The following ADAM10 variants were observed in gnomAD, a reference collection of about 807,000 sequenced individuals.
ADAM10 encodes ADAM metallopeptidase domain 10.
Under a neutral mutation model 90.1 loss-of-function variants are expected in ADAM10, and 17 were observed. The observed-to-expected ratio is 0.19, with a 90% CI of 0.13 to 0.28. ADAM10 has a LOEUF of 0.28. ADAM10 is among the 10% of genes least tolerant of loss of function. The probability of loss-of-function intolerance (pLI) is 1.00; values close to 1 mark genes in which losing one functional copy is unlikely to be tolerated. For missense variants in ADAM10, 610 were observed against 914.3 expected, an observed-to-expected ratio of 0.67 and a Z score of 4.29; for synonymous variants, 310 against 298.6, an observed-to-expected ratio of 1.04 and a Z score of -0.40.
At chr15:58,749,130 G>A (rs1170204909) in intron 1 of ADAM10, 9 of 398,264 alleles carry the variant, frequency 2.3e-5, no homozygotes, top group Non-Finnish European at 4.0e-5. Flanking sequence ...CCGCCGAGCA[G>A]ACTGGAGGGA....
intron 11 of ADAM10, among the ~76,000 whole-genome samples, chr15:58,614,970 A>G (rs1895560926): frequency 6.6e-6 from 1 of 152,146 alleles, no homozygotes; most frequent in Non-Finnish European, 1.5e-5. Flanking sequence ...ATATGCAAAA[A>G]CAAAACAAAA....
At chr15:58,714,292 TACAC>T (rs71116591) in intron 2 of ADAM10, among the ~76,000 whole-genome samples, 10,880 of 142,946 alleles carry the variant, frequency 0.076, 401 homozygotes, top group East Asian at 0.1. Flanking sequence ...TACATACACA[TACAC>T]ACACACACAC....
At chr15:58,602,141 T>C (rs1052637391) in intron 14 of ADAM10, among the ~76,000 whole-genome samples, 1 of 152,238 alleles carries the variant, frequency 6.6e-6, no homozygotes, top group Admixed American at 6.5e-5. Context: ...CATGGTTTCC[T>C]ATTTTTTATA....
chr15:58,706,251 C>T (rs1418449514), intron 2 of ADAM10, among the ~76,000 whole-genome samples: 2 of 152,114 alleles, frequency 1.3e-5, no homozygotes, highest in Non-Finnish European at 2.9e-5. Flanking sequence ...ATCCTTGCTT[C>T]GAGGTACTAT....
intron 5 of ADAM10, among the ~76,000 whole-genome samples, chr15:58,658,920 C>A (rs1208303217): frequency 1.3e-5 from 2 of 152,048 alleles, no homozygotes; most frequent in Non-Finnish European, 2.9e-5. Flanking sequence ...GTATGCCTTT[C>A]ATTTATTTTT....
chr15:58,685,946 A>C (rs1031953703), intron 2 of ADAM10, among the ~76,000 whole-genome samples: 1 of 152,204 alleles, frequency 6.6e-6, no homozygotes, highest in Admixed American at 6.5e-5. Flanking sequence ...ATGGTGGAGA[A>C]ACCATTACTG....
At chr15:58,639,049 A>T (rs926740733) in intron 8 of ADAM10, among the ~76,000 whole-genome samples, 4 of 152,006 alleles carry the variant, frequency 2.6e-5, no homozygotes, top group Admixed American at 6.6e-5. Flanking sequence ...CTTAAGTACA[A>T]TAGTCTGTAA....
chr15:58,627,239 GA>G (rs1895974360), intron 10 of ADAM10, among the ~76,000 whole-genome samples: 1 of 152,154 alleles, frequency 6.6e-6, no homozygotes, highest in Non-Finnish European at 1.5e-5. Flanking sequence ...AAATAAATCA[GA>G]TAGTGGTTGC....
intron 11 of ADAM10, among the ~76,000 whole-genome samples, chr15:58,618,973 T>C (rs1895700256): frequency 6.6e-6 from 1 of 152,054 alleles, no homozygotes; most frequent in Non-Finnish European, 1.5e-5. Context: ...AAACTAAAAA[T>C]AGATCTACTA....
Position 58,717,731 on chromosome 15 carries a change from T to TAA in ADAM10, c.56-6_56-5dup, listed in dbSNP as rs749030755. ...TTTAAAGGATTCCCATACTGACCTA[T>TAA]AAAAAAAAAACAACATTCTGAATTA... On this transcript the variant is annotated splice_region_variant and splice_polypyrimidine_tract_variant and intron_variant, in intron 1 of 15. Transcript: ENST00000260408. 16 of 1,385,656 alleles carry TAA rather than the reference T, an allele frequency of 1.2e-5. No individual in the cohort carries two copies. The highest frequency in any genetic ancestry group is 7.4e-5 in the African/African-American group (5 of 67,916). 85.8% of individuals were successfully genotyped at this position (1,385,656 alleles called of 1,614,324 possible).
chr15:58,693,962 T>C (rs1412092652), intron 2 of ADAM10, among the ~76,000 whole-genome samples: 2 of 152,182 alleles, frequency 1.3e-5, no homozygotes, highest in East Asian at 1.9e-4. Context: ...TATGGAAACC[T>C]ACATAACATC....
chr15:58,630,335 T>C (rs1322083921), intron 9 of ADAM10, among the ~76,000 whole-genome samples: 1 of 152,202 alleles, frequency 6.6e-6, no homozygotes, highest in Non-Finnish European at 1.5e-5. Flanking sequence ...AGGAACTGAC[T>C]TCCTAGCGGA....
At chr15:58,655,740 T>TATATATATATA (rs1427173055) in intron 5 of ADAM10, among the ~76,000 whole-genome samples, 4 of 81,296 alleles carry the variant, frequency 4.9e-5, no homozygotes, top group Non-Finnish European at 9.2e-5. Context: ...TATATATATA[T>TATATATATATA]TCTTTTTTTT....
At chr15:58,614,216 C>T (rs1895536368) in intron 11 of ADAM10, among the ~76,000 whole-genome samples, 1 of 151,622 alleles carries the variant, frequency 6.6e-6, no homozygotes, top group Non-Finnish European at 1.5e-5. Context: ...ACTTGGAAGG[C>T]AGAGGTTGCA....
chr15:58,632,218 T>C (rs555748469), intron 9 of ADAM10, among the ~76,000 whole-genome samples: 3 of 152,340 alleles, frequency 2.0e-5, no homozygotes, highest in Non-Finnish European at 4.4e-5. Flanking sequence ...AAGATCAATA[T>C]AATGGACTGG....
At chr15:58,649,884 TC>T (rs1269069746) in intron 5 of ADAM10, among the ~76,000 whole-genome samples, 1 of 152,190 alleles carries the variant, frequency 6.6e-6, no homozygotes, top group East Asian at 1.9e-4. Context: ...TCCATTTTCC[TC>T]CTTCTAGGAC....
intron 10 of ADAM10, among the ~76,000 whole-genome samples, chr15:58,625,676 T>G (rs1169329304): frequency 1.3e-5 from 2 of 152,208 alleles, no homozygotes; most frequent in Non-Finnish European, 2.9e-5. Flanking sequence ...AAGTAAAAAC[T>G]TATATGTTTA....
intron 1 of ADAM10, among the ~76,000 whole-genome samples, chr15:58,730,432 T>C (rs1899198136): frequency 6.6e-6 from 1 of 152,228 alleles, no homozygotes; most frequent in African/African-American, 2.4e-5. Context: ...AAGCGAAGTA[T>C]TACAAAATGT....
At chr15:58,715,187 C>G (rs1001111693) in intron 2 of ADAM10, among the ~76,000 whole-genome samples, 1 of 151,902 alleles carries the variant, frequency 6.6e-6, no homozygotes, top group East Asian at 1.9e-4. Flanking sequence ...TTTGGGAGAC[C>G]GAGGTGAGCG....
Sources: gnomAD v4.1 joint callset for allele counts (sites outside exome capture counted in the v4.1 genomes callset) on GRCh38, gnomAD v4.1.1 for gene constraint, MANE v1.5 for transcripts, NCBI Gene and HGNC (gene_info 2026-07-23, HGNC 2026-07-21) for gene names.